The following INSYN2A variants were observed in gnomAD, a reference collection of about 807,000 sequenced individuals.
INSYN2A encodes inhibitory synaptic factor 2A, also known as family with sequence similarity 196 member A.
A neutral mutation model predicts 39.4 loss-of-function variants in INSYN2A; 17 were observed. The observed-to-expected ratio is 0.43, with a 90% CI of 0.30 to 0.65. The LOEUF is 0.65. INSYN2A is among the 30% of genes least tolerant of loss of function. The probability of loss-of-function intolerance (pLI) is 0.14; values close to 1 mark genes in which losing one functional copy is unlikely to be tolerated. For missense variants in INSYN2A, 595 were observed against 631.2 expected (o/e 0.94, Z 0.61); for synonymous variants, 255 against 265.7 (o/e 0.96, Z 0.39).
intron 5 of INSYN2A, among the ~76,000 whole-genome samples, chr10:127,153,423 C>T (rs1198499709): frequency 1.2e-4 from 19 of 152,296 alleles, no homozygotes; most frequent in Non-Finnish European, 1.5e-5. Context: ...CGAGAGTTCC[C>T]AGGAAATGAA....
At chr10:127,187,730 GAA>G (rs1462338591) in intron 2 of INSYN2A, among the ~76,000 whole-genome samples, 2 of 107,126 alleles carry the variant, frequency 1.9e-5, no homozygotes, top group African/African-American at 2.9e-5. Flanking sequence ...AAGAAAGAGA[GAA>G]AGAAAGAAAG....
chr10:127,137,754 C>G lies in INSYN2A; in HGVS notation c.*83G>C. ...GCCTGAATGGGCACCACAGTTCCCT[C>G]GATCCTATTCATTTTGGAAAAGTAT... On this transcript the variant is annotated 3_prime_UTR_variant, in exon 6 of 6. Transcript: ENST00000522781. 1.5e-6 allele frequency: 2 copies of G among 1,339,990 alleles called. No homozygotes were observed. Among genetic ancestry groups the G allele is most frequent in the Non-Finnish European group, 2.0e-6 (2 of 978,086 alleles). The allele number at this position is 1,339,990 out of a possible 1,614,324, so 83.0% of individuals were successfully genotyped here.
rs1172414753 is a variant in INSYN2A, at chr10:127,175,113, C to G, written c.1184+99G>C. 9.5e-7 allele frequency: 1 copy of G among 1,053,004 alleles called. No homozygotes were observed. Among genetic ancestry groups the G allele is most frequent in the African/African-American group, 1.6e-5 (1 of 62,806 alleles). 65.2% of individuals were successfully genotyped at this position (1,053,004 alleles called of 1,614,324 possible). A position where few individuals can be genotyped will look rare whatever the true frequency, so the allele number is the denominator to read the frequency against. On this transcript the variant is annotated intron_variant, in intron 4 of 5. Coordinates refer to ENST00000522781, the MANE Select transcript of INSYN2A (RefSeq NM_001039762.3). This position sits in a 1 kb window ranked among gnomAD's most constrained non-coding sequence, Gnocchi z 6.3. ...AGACTATGACCTGTTTACGGAAATG[C>G]TGGCTTTAGTCTCATTACAGACTTG...
intron 2 of INSYN2A, among the ~76,000 whole-genome samples, chr10:127,183,776 G>GGTCTATAT (rs2055959158): frequency 6.6e-6 from 1 of 151,944 alleles, no homozygotes; most frequent in Admixed American, 6.6e-5. Context: ...ATAAACAAAA[G>GGTCTATAT]GTCTATATAT....
At position 127,175,213 on chromosome 10, in the gene INSYN2A, C is replaced by G; in HGVS notation, c.1183G>C (p.Gly395Arg). The change falls in exon 4 of 6, where the codon GGG becomes CGG. Residue 395 changes from glycine (G) to arginine (R), a missense_variant and splice_region_variant. Coordinates refer to ENST00000522781, the MANE Select transcript of INSYN2A (RefSeq NM_001039762.3). The surrounding 1 kb of genome is among the most constrained non-coding windows in gnomAD (Gnocchi z 6.3). ...ELEKGEAHRE[G>R]LSYRTGQDTA... ...TAAGACATGGGTGAACATACATACCCTTCCCGATGGGCCTCTCCTTTTTCC... is the reference window on the plus strand; with the variant it reads ...TAAGACATGGGTGAACATACATACCGTTCCCGATGGGCCTCTCCTTTTTCC... 1 of 1,610,092 alleles carries G rather than the reference C, an allele frequency of 6.2e-7. No homozygotes were observed. The highest frequency in any genetic ancestry group is 8.5e-7 in the Non-Finnish European group (1 of 1,177,892).
At chr10:127,177,221 T>A (rs2055246063) in intron 2 of INSYN2A, 82 bp from the exon 3 acceptor site, 1 of 151,906 alleles carries the variant, frequency 6.6e-6, no homozygotes, top group African/African-American at 2.4e-5. Context: ...ATGAAAACAA[T>A]GGTGGTGGTT....
Sources: gnomAD v4.1 joint callset for allele counts (sites outside exome capture counted in the v4.1 genomes callset) on GRCh38, gnomAD v4.1.1 for gene constraint, Gnocchi (gnomAD v3.1) non-coding constraint, MANE v1.5 for transcripts, NCBI Gene and HGNC (gene_info 2026-07-23, HGNC 2026-07-21) for gene names.